Variants in DMD observed in about 807,000 individuals in gnomAD.
DMD encodes the protein dystrophin.
DMD carries 63 observed loss-of-function variants against 330.1 expected under a neutral mutation model. The observed-to-expected ratio is 0.19, with a 90% CI of 0.16 to 0.24. The LOEUF is 0.24. Among genes scored for constraint, DMD ranks in the 10% least tolerant of loss-of-function variants. The pLI is 1.00. For missense variants in DMD, 3,344 were observed against 2,684.1 expected (o/e 1.25, Z -5.43); for synonymous variants, 1,223 against 959.8 (o/e 1.27, Z -5.07).
intron 9 of DMD, among the ~76,000 whole-genome samples, chrX:32,669,805 C>T (rs1042442271): frequency 1.8e-5 from 2 of 111,135 alleles, no homozygotes; most frequent in Admixed American, 9.6e-5. Context: ...TTATTCAAAA[C>T]CTGCCAATGC....
intron 62 of DMD, among the ~76,000 whole-genome samples, chrX:31,272,738 G>A (rs1452050440): frequency 2.7e-5 from 3 of 112,284 alleles, no homozygotes; most frequent in African/African-American, 9.7e-5. Context: ...ACTATTTACT[G>A]CATGAAGACT....
Position 31,657,606 on chromosome X carries a change from C to A in DMD, c.8027+384G>T, listed in dbSNP as rs140353487. ...GATGAGACCATGTACAGCTATAACTCTATCATGAATCCCAAAGTGACTTAT... is the reference window on the plus strand; with the variant it reads ...GATGAGACCATGTACAGCTATAACTATATCATGAATCCCAAAGTGACTTAT... On this transcript the variant is annotated intron_variant, in intron 54 of 78. Transcript: ENST00000357033. Among the ~76,000 whole-genome samples, 43 of 111,850 alleles carry A rather than the reference C, an allele frequency of 3.8e-4. No individual in the cohort carries two copies. In the East Asian group the frequency reaches 7.9e-3, roughly 21 times the overall value.
At chrX:31,463,611 C>G (rs994911476) in intron 59 of DMD, among the ~76,000 whole-genome samples, 16 of 111,715 alleles carry the variant, frequency 1.4e-4, no homozygotes, top group Non-Finnish European at 2.4e-4. Context: ...CTTGTCACAA[C>G]TTTGGTAGAT....
chrX:31,396,432 C>T (rs1187403837), intron 60 of DMD, among the ~76,000 whole-genome samples: 15 of 110,696 alleles, frequency 1.4e-4, no homozygotes, highest in African/African-American at 6.6e-5. Flanking sequence ...CCACCGCGCC[C>T]GGCCCAAAGA....
intron 4 of DMD, among the ~76,000 whole-genome samples, chrX:32,824,345 G>A (rs1465801955): frequency 2.7e-5 from 3 of 111,899 alleles, no homozygotes; most frequent in African/African-American, 9.7e-5. Flanking sequence ...CCCCAAACTG[G>A]GAACCCAGAT....
At chrX:32,132,989 T>TTTCC (rs2096704986) in intron 44 of DMD, among the ~76,000 whole-genome samples, 1 of 24,896 alleles carries the variant, frequency 4.0e-5, no homozygotes, top group African/African-American at 1.2e-4. Context: ...ACTCCTTTTC[T>TTTCC]TTTCTTTTTT....
At chrX:31,528,527 G>A (rs2073421000) in intron 55 of DMD, among the ~76,000 whole-genome samples, 1 of 112,467 alleles carries the variant, frequency 8.9e-6, no homozygotes, top group Admixed American at 9.4e-5. Flanking sequence ...CACGTGTGAG[G>A]TGAACACTGG....
At chrX:31,515,673 T>G (rs933190154) in intron 55 of DMD, among the ~76,000 whole-genome samples, 1 of 111,565 alleles carries the variant, frequency 9.0e-6, no homozygotes, top group African/African-American at 3.3e-5. Flanking sequence ...ATCAGAAAGG[T>G]GTAAAAGGAG....
At chrX:31,255,009 C>T (rs1357970601) in intron 63 of DMD, among the ~76,000 whole-genome samples, 2 of 102,009 alleles carry the variant, frequency 2.0e-5, no homozygotes, top group Non-Finnish European at 4.0e-5. Context: ...CAGGCCACTG[C>T]ACTCCAGTCT....
chrX:31,335,259 T>C (rs1279449896), intron 61 of DMD, among the ~76,000 whole-genome samples: 7 of 112,468 alleles, frequency 6.2e-5, no homozygotes, highest in African/African-American at 2.3e-4. Flanking sequence ...TGACTGAAGA[T>C]AAAGTGAAGT....
At position 31,478,198 on chromosome X, in the gene DMD, T is replaced by C; in HGVS notation, c.8845A>G (p.Lys2949Glu). The C allele has an allele frequency of 8.3e-7, 1 of 1,211,412 alleles. No individual in the cohort carries two copies. Among genetic ancestry groups the C allele is most frequent in the East Asian group, 3.0e-5 (1 of 33,820 alleles). ...TTGATCACCTCAGCTTGGCGCAGCT[T>C]GAGGTCCAGCTCATCCGTGGCCTCT... ...LQEATDELDL[K>E]LRQAEVIKGS... is the part of the protein sequence containing the mutation. The change falls in exon 59 of 79, where the codon AAG (lysine) becomes GAG (glutamate). Residue 2949 changes from lysine (K) to glutamate (E), a missense_variant. Transcript: ENST00000357033.
At chrX:32,994,384 A>C (rs1325112751) in intron 2 of DMD, among the ~76,000 whole-genome samples, 1 of 110,997 alleles carries the variant, frequency 9.0e-6, no homozygotes, top group Non-Finnish European at 1.9e-5. Flanking sequence ...GGGAATCTTG[A>C]AAATATTAAA....
chrX:32,491,316 T>C lies in DMD; in HGVS notation c.2583A>G (p.Ser861=). ...ACTGACTTTTAATTGCTGTTGGCTC[T>C]GATGGGGTGGTGGGTTGGATTTTCA... ...NWLKIQPTTP[S]EPTAIKSQLK... is the part of the protein sequence containing the mutation. Residue 861 remains serine, a synonymous_variant, in exon 20 of 79, where the codon TCA becomes TCG. Coordinates refer to ENST00000357033, the MANE Select transcript of DMD (RefSeq NM_004006.3). The C allele has an allele frequency of 8.3e-7, 1 of 1,211,826 alleles. No individual in the cohort carries two copies. Among genetic ancestry groups the C allele is most frequent in the Non-Finnish European group, 1.1e-6 (1 of 895,413 alleles).
intron 9 of DMD, among the ~76,000 whole-genome samples, chrX:32,671,150 C>G (rs374665043): frequency 2.7e-5 from 3 of 110,431 alleles, no homozygotes; most frequent in East Asian, 5.7e-4. Context: ...AAATTACCAC[C>G]AAGATAATTA....
At chrX:31,195,864 G>GAGGA (rs2042833742) in intron 67 of DMD, among the ~76,000 whole-genome samples, 1 of 110,468 alleles carries the variant, frequency 9.1e-6, no homozygotes, top group Non-Finnish European at 1.9e-5. Context: ...GACAGGGTGA[G>GAGGA]AGGAAGGAAG....
chrX:31,471,288 C>T (rs974886702), intron 59 of DMD, among the ~76,000 whole-genome samples: 1 of 112,022 alleles, frequency 8.9e-6, no homozygotes, highest in Non-Finnish European at 1.9e-5. Flanking sequence ...CGTAGGCACC[C>T]GAGGGAATCT....
chrX:32,563,394 G>A (rs1196453177), intron 16 of DMD, among the ~76,000 whole-genome samples: 2 of 101,674 alleles, frequency 2.0e-5, no homozygotes, highest in South Asian at 4.7e-4. Context: ...AAGCCCTCCA[G>A]ACACACTGAA....
chrX:31,577,945 C>G (rs2076179630), intron 55 of DMD, among the ~76,000 whole-genome samples: 1 of 110,304 alleles, frequency 9.1e-6, no homozygotes, highest in African/African-American at 3.3e-5. Context: ...AATTTTGAAC[C>G]AAAATTGCCT....
intron 7 of DMD, among the ~76,000 whole-genome samples, chrX:32,807,122 T>TTAAA (rs1345640031): frequency 9.6e-5 from 2 of 20,739 alleles, no homozygotes; most frequent in African/African-American, 2.2e-4. Flanking sequence ...CGGAAACATT[T>TTAAA]AAAAAAAAAA....
Sources: allele counts gnomAD v4.1 joint callset (sites outside exome capture counted in the v4.1 genomes callset), GRCh38; gene constraint gnomAD v4.1.1; transcripts MANE v1.5; gene names NCBI Gene and HGNC (gene_info 2026-07-23, HGNC 2026-07-21).